CNTN3: variants seen among roughly 807,000 people sequenced by gnomAD.
CNTN3 encodes the protein contactin-3.
In CNTN3, 60 loss-of-function variants were observed where a neutral mutation model predicts 119.1. That is an observed-to-expected ratio of 0.50 (90% CI 0.41 to 0.62). CNTN3 has a LOEUF of 0.62. Ranked by LOEUF, CNTN3 falls within the 20% of genes least tolerant of loss-of-function variation. CNTN3 has a pLI of 0.00. For synonymous variants in CNTN3, 450 were observed against 438.7 expected, an observed-to-expected ratio of 1.03 and a Z score of -0.32; for missense variants, 1,101 against 1,242.4, an observed-to-expected ratio of 0.89 and a Z score of 1.71.
At chr3:74,486,670 T>A in intron 3 of CNTN3, 39 bp from the exon 4 acceptor site, 1 of 1,468,372 alleles carries the variant, frequency 6.8e-7, no homozygotes. Flanking sequence ...CCTTAGTATT[T>A]TTAACTTAAA....
chr3:74,341,490 A>G (rs1703545157), intron 11 of CNTN3, among the ~76,000 whole-genome samples: 1 of 152,150 alleles, frequency 6.6e-6, no homozygotes, highest in Admixed American at 6.5e-5. Context: ...GAAATGTGCA[A>G]TTTAAATCAC....
intron 13 of CNTN3, among the ~76,000 whole-genome samples, 175 bp downstream of exon 13, chr3:74,334,560 T>A (rs892011088): frequency 2.0e-5 from 3 of 152,244 alleles, no homozygotes; most frequent in Non-Finnish European, 4.4e-5. Flanking sequence ...ATGTGTTCAA[T>A]TTCTGGTAAT....
intron 11 of CNTN3, among the ~76,000 whole-genome samples, chr3:74,361,004 G>A (rs1704060715): frequency 6.6e-6 from 1 of 152,024 alleles, no homozygotes; most frequent in African/African-American, 2.4e-5. Flanking sequence ...CTTTTGCCAT[G>A]TAATATAACA....
At position 74,574,760 on chromosome 3, in the gene CNTN3, T is replaced by C. The variant is rs527721375; in HGVS notation, c.-81+39631A>G. ...AAATTATTGGAAAAATCAAAGGTTA[T>C]AGCTTCTGCCACACATTTCCTGAAA... On this transcript the variant is annotated intron_variant, in intron 1 of 22. Transcript: ENST00000263665. Among the ~76,000 whole-genome samples, 4 of 152,302 alleles carry C rather than the reference T, an allele frequency of 2.6e-5. No homozygotes were observed. In the East Asian group the frequency reaches 7.7e-4, roughly 29 times the overall value.
chr3:74,510,065 A>T (rs1184034265), intron 2 of CNTN3, among the ~76,000 whole-genome samples: 1 of 147,376 alleles, frequency 6.8e-6, no homozygotes, highest in East Asian at 2.0e-4. Context: ...ATATATGAAA[A>T]CTTAGTAAAT....
Position 74,499,802 on chromosome 3 carries a change from C to A in CNTN3, c.56-17G>T. ...GAAGCTCACCTATATGGGTGGGAGA[C>A]ATCCAAAAAATAATAATCAGTAAAA... is the stretch of plus-strand genomic sequence containing the variant. On this transcript the variant is annotated splice_polypyrimidine_tract_variant and intron_variant, in intron 2 of 22. Coordinates refer to ENST00000263665, the MANE Select transcript of CNTN3 (RefSeq NM_020872.3). 2 of 1,571,884 alleles carry A rather than the reference C, an allele frequency of 1.3e-6. No homozygotes were observed. The highest frequency in any genetic ancestry group is 8.6e-7 in the Non-Finnish European group (1 of 1,165,766).
intron 13 of CNTN3, among the ~76,000 whole-genome samples, chr3:74,316,852 T>C (rs913859314): frequency 6.6e-5 from 10 of 150,604 alleles, no homozygotes. Context: ...GGCGTGAACC[T>C]GGGAGGCAGA....
At chr3:74,485,361 T>G (rs1303292062) in intron 4 of CNTN3, among the ~76,000 whole-genome samples, 5 of 152,018 alleles carry the variant, frequency 3.3e-5, no homozygotes. Flanking sequence ...AAACATCACA[T>G]ATAGCTTTCA....
chr3:74,403,430 A>G (rs1559584279), intron 5 of CNTN3, among the ~76,000 whole-genome samples: 1 of 152,166 alleles, frequency 6.6e-6, no homozygotes, highest in Non-Finnish European at 1.5e-5. Context: ...GAGAAAAGTC[A>G]CAAAGCACTA....
intron 5 of CNTN3, among the ~76,000 whole-genome samples, chr3:74,413,281 C>T (rs1219143288): frequency 6.6e-6 from 1 of 152,176 alleles, no homozygotes; most frequent in Non-Finnish European, 1.5e-5. Flanking sequence ...GGAAATCAAT[C>T]TTTATTCTTA....
intron 4 of CNTN3, 92 bp downstream of exon 4, chr3:74,486,364 C>T: frequency 5.4e-6 from 6 of 1,108,470 alleles, no homozygotes; most frequent in South Asian, 2.9e-5. Flanking sequence ...TAATAAAACC[C>T]ATGTATTATT....
intron 4 of CNTN3, among the ~76,000 whole-genome samples, chr3:74,486,094 AT>A (rs34888098): frequency 0.48 from 73,521 of 151,894 alleles, 19,426 homozygotes; most frequent in Non-Finnish European, 0.59. Context: ...ATTCTTTCGC[AT>A]TTTTTTCCAC....
At chr3:74,407,264 A>T (rs370731377) in intron 5 of CNTN3, among the ~76,000 whole-genome samples, 90 of 105,544 alleles carry the variant, frequency 8.5e-4, no homozygotes, top group East Asian at 4.2e-3. Flanking sequence ...CAAATATTCT[A>T]TTTTTTTTTT....
At chr3:74,543,839 G>A (rs1009947036) in intron 1 of CNTN3, among the ~76,000 whole-genome samples, 4 of 151,888 alleles carry the variant, frequency 2.6e-5, no homozygotes, top group Middle Eastern at 3.2e-3. Context: ...TGAGACAGTC[G>A]AAAAAAAGAA....
intron 20 of CNTN3, among the ~76,000 whole-genome samples, chr3:74,275,182 G>A (rs1701856987): frequency 6.6e-6 from 1 of 152,096 alleles, no homozygotes; most frequent in African/African-American, 2.4e-5. Context: ...AAGAATAATC[G>A]GCATTCCTAA....
At chr3:74,268,577 C>T (rs1416891523) in intron 20 of CNTN3, among the ~76,000 whole-genome samples, 2 of 152,116 alleles carry the variant, frequency 1.3e-5, no homozygotes, top group African/African-American at 4.8e-5. Flanking sequence ...TCTCTTTTAA[C>T]ACTATTCTAT....
chr3:74,430,519 G>T (rs754413946), intron 4 of CNTN3, among the ~76,000 whole-genome samples: 3 of 152,146 alleles, frequency 2.0e-5, no homozygotes, highest in Non-Finnish European at 4.4e-5. Context: ...GAGGTAGGAG[G>T]GTTGCTTGAG....
chr3:74,285,436 G>C lies in CNTN3; in HGVS notation c.2573C>G (p.Ala858Gly). The change falls in exon 20 of 23, where the codon GCA becomes GGA. Residue 858 changes from alanine (A) to glycine (G), a missense_variant. Coordinates refer to ENST00000263665, the MANE Select transcript of CNTN3 (RefSeq NM_020872.3). ...TAGTCTGGCTGATGTCTCATTTCCT[G>C]CCACTTTCATCTTACTGGATGATTC... Reference protein sequence around the residue: ...KEESSSKMKVAGNETSARLRG... With the variant: ...KEESSSKMKVGGNETSARLRG... 1 of 1,612,786 alleles carries C rather than the reference G, an allele frequency of 6.2e-7. No homozygotes were observed. Among genetic ancestry groups the C allele is most frequent in the South Asian group, 1.1e-5 (1 of 90,940 alleles).
At chr3:74,596,439 C>T (rs527983921) in intron 1 of CNTN3, among the ~76,000 whole-genome samples, 1 of 152,228 alleles carries the variant, frequency 6.6e-6, no homozygotes, top group Non-Finnish European at 1.5e-5. Flanking sequence ...TCAAACTATA[C>T]TACAAGGCTA....
Sources: gnomAD v4.1 joint callset for allele counts (sites outside exome capture counted in the v4.1 genomes callset) on GRCh38, gnomAD v4.1.1 for gene constraint, MANE v1.5 for transcripts, NCBI Gene and HGNC (gene_info 2026-07-23, HGNC 2026-07-21) for gene names.